The following SNX29 variants were observed in gnomAD, a reference collection of about 807,000 sequenced individuals.
The protein encoded by SNX29 is sorting nexin-29.
A neutral mutation model predicts 102.1 loss-of-function variants in SNX29; 78 were observed. The ratio of observed to expected loss-of-function variants is 0.76; its 90% CI spans 0.64 to 0.92. SNX29 has a LOEUF of 0.92. SNX29 is among the 40% of genes least tolerant of loss of function. The pLI is 0.00. For synonymous variants in SNX29, 580 were observed against 414.5 expected (o/e 1.40, Z -4.85); for missense variants, 1,280 against 1,061.7 (o/e 1.21, Z -2.86).
chr16:12,006,220 A>G (rs2056448021), intron 3 of SNX29, among the ~76,000 whole-genome samples: 1 of 150,808 alleles, frequency 6.6e-6, no homozygotes, highest in Non-Finnish European at 1.5e-5. Flanking sequence ...AATAATAATA[A>G]TAATAATAAT....
chr16:12,458,417 C>T (rs941793458), intron 18 of SNX29, among the ~76,000 whole-genome samples: 4 of 152,176 alleles, frequency 2.6e-5, no homozygotes, highest in Admixed American at 6.5e-5. Flanking sequence ...AAACGCGAGC[C>T]CTATGCAGAC....
At chr16:12,115,367 C>T (rs2053652712) in intron 11 of SNX29, among the ~76,000 whole-genome samples, 1 of 151,690 alleles carries the variant, frequency 6.6e-6, no homozygotes, top group Admixed American at 6.6e-5. Flanking sequence ...CCAGTGAAAC[C>T]CCAGGCAGGG....
At chr16:12,564,353 A>G (rs1048456416) in intron 20 of SNX29, among the ~76,000 whole-genome samples, 7 of 152,148 alleles carry the variant, frequency 4.6e-5, no homozygotes, top group Admixed American at 2.0e-4. Context: ...CAGGATGTCA[A>G]AGGAGCCAAA....
intron 19 of SNX29, among the ~76,000 whole-genome samples, chr16:12,500,469 C>T (rs556682818): frequency 1.1e-4 from 17 of 152,338 alleles, no homozygotes; most frequent in Non-Finnish European, 1.3e-4. Context: ...CTGTAACCTC[C>T]ACGGGCTCCT....
intron 8 of SNX29, among the ~76,000 whole-genome samples, chr16:12,055,012 T>C (rs2050461415): frequency 6.6e-6 from 1 of 152,164 alleles, no homozygotes; most frequent in African/African-American, 2.4e-5. Context: ...TTCTTGCTCA[T>C]AGGGTATGAA....
At chr16:12,503,515 G>C (rs889370832) in intron 19 of SNX29, among the ~76,000 whole-genome samples, 6 of 152,178 alleles carry the variant, frequency 3.9e-5, no homozygotes, top group Non-Finnish European at 7.3e-5. Flanking sequence ...GGATGCCCAG[G>C]GAGTATCAAC....
intron 18 of SNX29, among the ~76,000 whole-genome samples, chr16:12,474,573 G>C (rs928972522): frequency 2.0e-5 from 3 of 152,152 alleles, no homozygotes; most frequent in African/African-American, 7.2e-5. Flanking sequence ...GTGGGCTCTT[G>C]CATATACATT....
chr16:12,551,163 C>G (rs1597943739), intron 20 of SNX29, among the ~76,000 whole-genome samples: 1 of 152,138 alleles, frequency 6.6e-6, no homozygotes. Flanking sequence ...AGAAAACCCT[C>G]AGTACCATCG....
intron 18 of SNX29, among the ~76,000 whole-genome samples, chr16:12,469,257 C>A (rs1332351509): frequency 2.8e-4 from 42 of 152,316 alleles, no homozygotes; most frequent in South Asian, 2.1e-4. Flanking sequence ...TTATTCTTGG[C>A]ATTTGGCTGC....
chr16:12,383,162 T>G (rs1439561198), intron 16 of SNX29, among the ~76,000 whole-genome samples: 1 of 152,168 alleles, frequency 6.6e-6, no homozygotes, highest in East Asian at 1.9e-4. Context: ...CGCTGTCACC[T>G]CCATTCCCAT....
intron 13 of SNX29, among the ~76,000 whole-genome samples, chr16:12,160,130 GGT>G (rs2055721545): frequency 6.6e-6 from 1 of 152,230 alleles, no homozygotes; most frequent in Non-Finnish European, 1.5e-5. Context: ...GATGTTGCCA[GGT>G]GTGGAAATGA....
intron 18 of SNX29, among the ~76,000 whole-genome samples, chr16:12,467,838 C>T (rs565516707): frequency 1.1e-4 from 17 of 152,152 alleles, no homozygotes; most frequent in Non-Finnish European, 2.2e-4. Flanking sequence ...AGATGGTGGT[C>T]GTGCTGGGGT....
rs9931655 is a variant in SNX29, at chr16:12,514,224, G to A, written c.2179-10478G>A. 3.1e-3 allele frequency among the ~76,000 whole-genome samples: 471 copies of A among 152,280 alleles called. 6 individuals carry two copies. The highest frequency in any genetic ancestry group is 0.011 in the African/African-American group (442 of 41,568). Reference sequence around the variant, plus strand: ...AGAGCTGTTTTCAGTCTCATAGAAGGAATAGCTGATTCTCACTCTCTGGCT... The same window carrying A: ...AGAGCTGTTTTCAGTCTCATAGAAGAAATAGCTGATTCTCACTCTCTGGCT... On this transcript the variant is annotated intron_variant, in intron 19 of 20. Transcript: ENST00000566228.
intron 20 of SNX29, among the ~76,000 whole-genome samples, chr16:12,564,934 TA>T (rs6145751): frequency 0.25 from 36,431 of 144,086 alleles, 4,958 homozygotes; most frequent in Non-Finnish European, 0.31. Flanking sequence ...ACCTTGGTGT[TA>T]AAAAAAAAAA....
chr16:12,264,736 C>T lies in SNX29; in HGVS notation c.1679-13197C>T, dbSNP rs551658353. 4.6e-5 allele frequency among the ~76,000 whole-genome samples: 7 copies of T among 150,888 alleles called. No homozygotes were observed. In the South Asian group the frequency reaches 1.3e-3, roughly 28 times the overall value. On this transcript the variant is annotated intron_variant, in intron 14 of 20. Coordinates refer to ENST00000566228, the MANE Select transcript of SNX29 (RefSeq NM_032167.5). The stretch of plus-strand genomic sequence containing the variant: ...GGCATAGGTTGCAGTGAGCCGAGAT[C>T]ATGCCACTGCACTCCAACGAGACTC...
chr16:12,543,929 CCCT>C (rs1156740929), intron 20 of SNX29, among the ~76,000 whole-genome samples: 16 of 152,190 alleles, frequency 1.1e-4, no homozygotes. Context: ...GAATCCGGCA[CCCT>C]CTCGTTCTAA....
At position 12,012,066 on chromosome 16, in the gene SNX29, A is replaced by G. The variant is rs138936362; in HGVS notation, c.122+9023A>G. On this transcript the variant is annotated intron_variant, in intron 3 of 20. Transcript: ENST00000566228. Reference sequence around the variant, plus strand: ...AACAGGTATTTATTTATAGAGTACTATGTTGGCATTGGCGATGCAAATTGG... The same window carrying G: ...AACAGGTATTTATTTATAGAGTACTGTGTTGGCATTGGCGATGCAAATTGG... 4.5e-3 allele frequency among the ~76,000 whole-genome samples: 691 copies of G among 152,308 alleles called. 9 individuals carry two copies. The highest frequency in any genetic ancestry group is 0.015 in the African/African-American group (643 of 41,538).
intron 8 of SNX29, chr16:12,052,471 C>T (rs1401938718): frequency 4.8e-6 from 2 of 417,264 alleles, no homozygotes; most frequent in Non-Finnish European, 9.0e-6. Context: ...CCTGCCTTGG[C>T]CTCCCAAATT....
At chr16:12,297,801 G>T (rs1048051908) in intron 15 of SNX29, among the ~76,000 whole-genome samples, 1 of 152,142 alleles carries the variant, frequency 6.6e-6, no homozygotes, top group Admixed American at 6.5e-5. Flanking sequence ...GGCTCCACCT[G>T]TCTCACTGAA....
Sources: allele counts gnomAD v4.1 joint callset (sites outside exome capture counted in the v4.1 genomes callset), GRCh38; gene constraint gnomAD v4.1.1; transcripts MANE v1.5; gene names NCBI Gene and HGNC (gene_info 2026-07-23, HGNC 2026-07-21).